The following CPQ variants were observed in gnomAD, a reference collection of about 807,000 sequenced individuals.
CPQ encodes carboxypeptidase Q.
A neutral mutation model predicts 45.7 loss-of-function variants in CPQ; 37 were observed. The observed-to-expected ratio is 0.81, with a 90% CI of 0.62 to 1.07. The LOEUF (loss-of-function observed/expected upper bound fraction) is 1.07. Among genes scored for constraint, CPQ ranks in the 50% least tolerant of loss-of-function variants. The pLI, the probability that CPQ is intolerant of heterozygous loss-of-function variation, is 0.00. For synonymous variants in CPQ, 186 were observed against 205.8 expected, an observed-to-expected ratio of 0.90 and a Z score of 0.82; for missense variants, 537 against 572.9, an observed-to-expected ratio of 0.94 and a Z score of 0.64.
At chr8:96,974,956 T>C (rs1309888575) in intron 5 of CPQ, among the ~76,000 whole-genome samples, 1 of 151,638 alleles carries the variant, frequency 6.6e-6, no homozygotes, top group African/African-American at 2.4e-5. Context: ...CTCATGGAGC[T>C]GGAGAAACAA....
chr8:97,075,478 TCTCTC>T (rs1409762210), intron 7 of CPQ, among the ~76,000 whole-genome samples: 1 of 152,170 alleles, frequency 6.6e-6, no homozygotes, highest in Non-Finnish European at 1.5e-5. Flanking sequence ...TATGGACCCT[TCTCTC>T]CTGGAGCTCA....
At chr8:96,995,801 G>A (rs1809170119) in intron 5 of CPQ, among the ~76,000 whole-genome samples, 1 of 151,890 alleles carries the variant, frequency 6.6e-6, no homozygotes, top group Non-Finnish European at 1.5e-5. Flanking sequence ...CCCATTAGTT[G>A]TATTTCTGGA....
intron 3 of CPQ, among the ~76,000 whole-genome samples, chr8:96,870,776 T>A (rs1451079662): frequency 6.6e-6 from 1 of 152,058 alleles, no homozygotes; most frequent in Non-Finnish European, 1.5e-5. Flanking sequence ...TAACATCTCT[T>A]TGTGGTATTT....
intron 4 of CPQ, among the ~76,000 whole-genome samples, chr8:96,894,225 A>G (rs1318816356): frequency 6.6e-6 from 1 of 152,214 alleles, no homozygotes; most frequent in Non-Finnish European, 1.5e-5. Flanking sequence ...CAGAGACCCT[A>G]AGCCAGAACC....
intron 1 of CPQ, among the ~76,000 whole-genome samples, chr8:96,706,071 C>T (rs1456497008): frequency 6.6e-6 from 1 of 152,102 alleles, no homozygotes; most frequent in Non-Finnish European, 1.5e-5. Context: ...ATTCTTTTTC[C>T]TAGGCTGAGG....
intron 6 of CPQ, among the ~76,000 whole-genome samples, chr8:97,029,740 C>A (rs1809864319): frequency 6.6e-6 from 1 of 152,110 alleles, no homozygotes. Flanking sequence ...ATTCCAATTG[C>A]CATGCTGCCA....
chr8:96,989,648 G>T (rs1310334724), intron 5 of CPQ, among the ~76,000 whole-genome samples: 1 of 152,132 alleles, frequency 6.6e-6, no homozygotes, highest in Non-Finnish European at 1.5e-5. Context: ...CTTCCTTCTG[G>T]TTTAAGAAAT....
intron 2 of CPQ, among the ~76,000 whole-genome samples, chr8:96,817,384 T>G (rs1811242053): frequency 6.6e-6 from 1 of 152,156 alleles, no homozygotes; most frequent in Non-Finnish European, 1.5e-5. Flanking sequence ...ACAGATATAG[T>G]AAAAATGAAA....
At chr8:96,669,331 G>A (rs1031477741) in intron 1 of CPQ, among the ~76,000 whole-genome samples, 4 of 152,164 alleles carry the variant, frequency 2.6e-5, no homozygotes, top group Admixed American at 6.5e-5. Flanking sequence ...ATACCACATG[G>A]AGGATCTACA....
intron 2 of CPQ, among the ~76,000 whole-genome samples, chr8:96,817,963 GCTAA>G (rs1811251643): frequency 6.6e-6 from 1 of 151,960 alleles, no homozygotes; most frequent in Non-Finnish European, 1.5e-5. Context: ...TCACAACTTA[GCTAA>G]CTGTTTGGCA....
intron 1 of CPQ, among the ~76,000 whole-genome samples, chr8:96,659,751 G>C (rs1234677034): frequency 3.3e-5 from 5 of 152,296 alleles, no homozygotes; most frequent in Middle Eastern, 3.4e-3. Flanking sequence ...CATAGTCGGG[G>C]AGATTGCCCT....
intron 4 of CPQ, among the ~76,000 whole-genome samples, chr8:96,931,390 T>A (rs934441523): frequency 6.6e-6 from 1 of 152,122 alleles, no homozygotes; most frequent in African/African-American, 2.4e-5. Flanking sequence ...CCAGAAAAAA[T>A]TGCCTTACTA....
intron 1 of CPQ, among the ~76,000 whole-genome samples, chr8:96,758,018 A>G (rs1810349243): frequency 1.3e-5 from 2 of 152,120 alleles, no homozygotes; most frequent in African/African-American, 4.8e-5. Context: ...TCTGTCATGG[A>G]TTTAGGTGAA....
intron 7 of CPQ, among the ~76,000 whole-genome samples, chr8:97,094,111 G>A (rs758733629): frequency 4.6e-5 from 7 of 151,978 alleles, no homozygotes; most frequent in Non-Finnish European, 1.0e-4. Context: ...GTTCTGAGAA[G>A]AACAAAACTC....
Position 97,035,677 on chromosome 8 carries a change from A to T in CPQ, c.1053+6183A>T, listed in dbSNP as rs571118348. Among the ~76,000 whole-genome samples, 5 of 144,032 alleles carry T rather than the reference A, an allele frequency of 3.5e-5. No homozygotes were observed. The South Asian group carries it at 1.1e-3, about 33-fold the overall frequency. 94.5% of individuals were successfully genotyped at this position (144,032 alleles called of 152,430 possible). ...CCTCCCTGCTTCTTCTTGCCTTAAG[A>T]CTTTTTGTTTGTTTGTTTGTTTGTA... On this transcript the variant is annotated intron_variant, in intron 6 of 7. Transcript: ENST00000220763.
At chr8:96,726,130 T>C (rs530962549) in intron 1 of CPQ, among the ~76,000 whole-genome samples, 83 of 152,236 alleles carry the variant, frequency 5.5e-4, no homozygotes, top group Non-Finnish European at 1.0e-3. Flanking sequence ...AAAAATTACC[T>C]GTTGGGTACT....
At chr8:97,065,479 A>G (rs1387502727) in intron 6 of CPQ, among the ~76,000 whole-genome samples, 1 of 152,202 alleles carries the variant, frequency 6.6e-6, no homozygotes, top group Non-Finnish European at 1.5e-5. Context: ...TGGAACAACA[A>G]CAAAATCAGA....
At chr8:96,726,837 ATGCCCTT>A (rs1204759400) in intron 1 of CPQ, among the ~76,000 whole-genome samples, 1 of 152,134 alleles carries the variant, frequency 6.6e-6, no homozygotes, top group Admixed American at 6.5e-5. Flanking sequence ...TTACCAAGTG[ATGCCCTT>A]TGCTGCCTTG....
intron 1 of CPQ, among the ~76,000 whole-genome samples, chr8:96,686,560 G>C (rs957612799): frequency 4.6e-5 from 7 of 151,736 alleles, no homozygotes; most frequent in Admixed American, 2.0e-4. Flanking sequence ...CTTAGTAATG[G>C]TATATTATAC....
Sources: allele counts gnomAD v4.1 joint callset (sites outside exome capture counted in the v4.1 genomes callset), GRCh38; gene constraint gnomAD v4.1.1; transcripts MANE v1.5; gene names NCBI Gene and HGNC (gene_info 2026-07-23, HGNC 2026-07-21).